EIPR1: variants seen among roughly 807,000 people sequenced by gnomAD.
The protein encoded by EIPR1 is EARP and GARP complex-interacting protein 1.
In EIPR1, 25 loss-of-function variants were observed where a neutral mutation model predicts 48.1. That is an observed-to-expected ratio of 0.52 (90% CI 0.38 to 0.73). The LOEUF is 0.73. Ranked by LOEUF, EIPR1 falls within the 30% of genes least tolerant of loss-of-function variation. The pLI, the probability that EIPR1 is intolerant of heterozygous loss-of-function variation, is 0.00. For synonymous variants in EIPR1, 204 were observed against 201.9 expected, an observed-to-expected ratio of 1.01 and a Z score of -0.09; for missense variants, 415 against 506.2, an observed-to-expected ratio of 0.82 and a Z score of 1.73.
At chr2:3,238,071 T>C (rs905339334) in intron 4 of EIPR1, among the ~76,000 whole-genome samples, 1 of 152,162 alleles carries the variant, frequency 6.6e-6, no homozygotes, top group Non-Finnish European at 1.5e-5. Context: ...CCGTAAAAGC[T>C]TCTTGAAAAT....
chr2:3,325,471 C>T (rs534724469), intron 3 of EIPR1, among the ~76,000 whole-genome samples: 3 of 152,266 alleles, frequency 2.0e-5, no homozygotes, highest in East Asian at 3.9e-4. Context: ...GAAGCTGGGG[C>T]GGGCCACCTT....
intron 3 of EIPR1, among the ~76,000 whole-genome samples, chr2:3,278,506 C>A (rs1276721176): frequency 6.6e-6 from 1 of 152,186 alleles, no homozygotes; most frequent in African/African-American, 2.4e-5. Context: ...CTGTCCTCCC[C>A]AGTCCCCACA....
intron 4 of EIPR1, among the ~76,000 whole-genome samples, chr2:3,256,823 C>T (rs1184829016): frequency 2.6e-5 from 4 of 152,226 alleles, no homozygotes; most frequent in African/African-American, 4.8e-5. Flanking sequence ...CAGGGAGCCA[C>T]GTGAATGACA....
chr2:3,257,129 A>T (rs1667181430), intron 4 of EIPR1, among the ~76,000 whole-genome samples, 170 bp downstream of exon 4: 1 of 152,210 alleles, frequency 6.6e-6, no homozygotes, highest in Non-Finnish European at 1.5e-5. Context: ...AATGCGGCTA[A>T]TCTAGAAAAC....
chr2:3,377,560 G>C (rs1659936797), intron 1 of EIPR1, 88 bp downstream of exon 1: 15 of 1,489,304 alleles, frequency 1.0e-5, no homozygotes, highest in Non-Finnish European at 1.3e-5. Context: ...AGGGCTGGTG[G>C]GAGATCTGCA....
chr2:3,248,328 A>G (rs4608557), intron 4 of EIPR1, among the ~76,000 whole-genome samples: 87,151 of 151,980 alleles, frequency 0.57, 25,331 homozygotes, highest in East Asian at 0.75. Flanking sequence ...GTGCGGTGGC[A>G]CACGCCTGTA....
intron 3 of EIPR1, among the ~76,000 whole-genome samples, chr2:3,297,113 T>C (rs577227520): frequency 1.3e-5 from 2 of 152,240 alleles, no homozygotes; most frequent in Non-Finnish European, 2.9e-5. Context: ...CTTAATTGTG[T>C]CTGTGGCTCC....
chr2:3,240,887 T>C (rs1442329969), intron 4 of EIPR1, among the ~76,000 whole-genome samples: 1 of 80,906 alleles, frequency 1.2e-5, no homozygotes, highest in Non-Finnish European at 2.7e-5. Context: ...CAGAAGATCC[T>C]TCCTAAAGCA....
At chr2:3,331,084 A>G (rs552293286) in intron 3 of EIPR1, among the ~76,000 whole-genome samples, 11 of 137,892 alleles carry the variant, frequency 8.0e-5, no homozygotes, top group Admixed American at 5.7e-4. Context: ...CACACTCATG[A>G]GATGGTGTGA....
intron 4 of EIPR1, among the ~76,000 whole-genome samples, chr2:3,235,927 C>A (rs1046388927): frequency 5.3e-5 from 8 of 152,184 alleles, no homozygotes; most frequent in Admixed American, 5.2e-4. Context: ...CGACAGCTCT[C>A]CCTCCCAGTG....
intron 1 of EIPR1, among the ~76,000 whole-genome samples, chr2:3,372,870 A>C (rs1345495924): frequency 1.3e-5 from 2 of 152,174 alleles, no homozygotes; most frequent in East Asian, 1.9e-4. Flanking sequence ...ATCCTCCCTA[A>C]CTCATTTTAT....
intron 5 of EIPR1, among the ~76,000 whole-genome samples, chr2:3,207,302 T>C (rs1665270871): frequency 6.6e-6 from 1 of 152,092 alleles, no homozygotes; most frequent in South Asian, 2.1e-4. Context: ...TGTTAAGGAG[T>C]GGCAGGAAGG....
chr2:3,306,153 A>G (rs1375937887), intron 3 of EIPR1, among the ~76,000 whole-genome samples: 1 of 152,206 alleles, frequency 6.6e-6, no homozygotes, highest in Non-Finnish European at 1.5e-5. Flanking sequence ...CAGAGGCCCG[A>G]AGTCATCATT....
chr2:3,245,028 C>T (rs934821349), intron 4 of EIPR1, among the ~76,000 whole-genome samples: 1 of 152,048 alleles, frequency 6.6e-6, no homozygotes, highest in Non-Finnish European at 1.5e-5. Context: ...ATGACTCTTC[C>T]TAGAATAAGT....
chr2:3,318,519 T>C (rs560096005), intron 3 of EIPR1, among the ~76,000 whole-genome samples: 1 of 152,286 alleles, frequency 6.6e-6, no homozygotes, highest in East Asian at 1.9e-4. Flanking sequence ...AAACGGGATC[T>C]GAAGAGTCAG....
At chr2:3,233,546 A>G (rs1558240010) in intron 4 of EIPR1, among the ~76,000 whole-genome samples, 1 of 152,216 alleles carries the variant, frequency 6.6e-6, no homozygotes, top group South Asian at 2.1e-4. Context: ...CGTAACTGTG[A>G]TAATGACCGT....
chr2:3,230,368 C>A (rs995659548), intron 4 of EIPR1, among the ~76,000 whole-genome samples: 2 of 152,090 alleles, frequency 1.3e-5, no homozygotes, highest in African/African-American at 4.8e-5. Context: ...GAAATCTGTG[C>A]GTGTGCAGAA....
At chr2:3,272,569 A>C (rs1667730140) in intron 3 of EIPR1, among the ~76,000 whole-genome samples, 1 of 152,220 alleles carries the variant, frequency 6.6e-6, no homozygotes, top group Non-Finnish European at 1.5e-5. Context: ...TTGATGGAGC[A>C]TTCAAAACAC....
chr2:3,311,415 G>C (rs1053550248), intron 3 of EIPR1, among the ~76,000 whole-genome samples: 3 of 152,092 alleles, frequency 2.0e-5, no homozygotes, highest in Non-Finnish European at 4.4e-5. Context: ...GATTTTTATG[G>C]GGGTGAGGGG....
Sources: gnomAD v4.1 joint callset for allele counts (sites outside exome capture counted in the v4.1 genomes callset) on GRCh38, gnomAD v4.1.1 for gene constraint, MANE v1.5 for transcripts, NCBI Gene and HGNC (gene_info 2026-07-23, HGNC 2026-07-21) for gene names.